BRSK1: variants seen among roughly 807,000 people sequenced by gnomAD.
The protein encoded by BRSK1 is BR serine/threonine kinase 1.
In BRSK1, 17 loss-of-function variants were observed where a neutral mutation model predicts 86.2. The observed-to-expected ratio is 0.20, with a 90% CI of 0.14 to 0.30. BRSK1 has a LOEUF of 0.30. BRSK1 is among the 10% of genes least tolerant of loss of function. BRSK1 has a pLI of 1.00. For synonymous variants in BRSK1, 464 were observed against 440.1 expected (o/e 1.05, Z -0.68); for missense variants, 719 against 1,071.9 (o/e 0.67, Z 4.60).
At chr19:55,307,548 CAAAAAAAAAA>C (rs11378640) in intron 17 of BRSK1, among the ~76,000 whole-genome samples, 3 of 80,672 alleles carry the variant, frequency 3.7e-5, no homozygotes, top group South Asian at 4.5e-4. Context: ...GACTCTGTCT[CAAAAAAAAAA>C]AAAAAAAAGG....
rs2088815351 is a variant in BRSK1, at chr19:55,312,122, C to G, written c.*54C>G. 2 of 760,176 alleles carry G rather than the reference C, an allele frequency of 2.6e-6. No individual in the cohort carries two copies. Among genetic ancestry groups the G allele is most frequent in the Non-Finnish European group, 4.1e-6 (2 of 486,754 alleles). 47.1% of individuals were successfully genotyped at this position (760,176 alleles called of 1,614,324 possible). Reference sequence around the variant, plus strand: ...CCCCTCCACCCCCCTTCCGTGCCCCCCAACTGTGAATCTGTAAATAAGGCC... The same window carrying G: ...CCCCTCCACCCCCCTTCCGTGCCCCGCAACTGTGAATCTGTAAATAAGGCC... On this transcript the variant is annotated 3_prime_UTR_variant, in exon 19 of 19. Transcript: ENST00000309383.
At chr19:55,300,305 T>C (rs1476637449) in intron 7 of BRSK1, among the ~76,000 whole-genome samples, 2 of 152,140 alleles carry the variant, frequency 1.3e-5, no homozygotes, top group Non-Finnish European at 2.9e-5. Flanking sequence ...GTCAGTTCAT[T>C]CTGATGCAGT....
Position 55,303,048 on chromosome 19 carries a change from T to A in BRSK1, c.1028+181T>A. ...GCCCAGAAACACGCTGAGAAAGTAT[T>A]AATAGATGCTGCGACATAGTACTTA... On this transcript the variant is annotated intron_variant, in intron 10 of 18. Coordinates refer to ENST00000309383, the MANE Select transcript of BRSK1 (RefSeq NM_032430.2). The surrounding 1 kb of genome is among the most constrained non-coding windows in gnomAD (Gnocchi z 5.1). 1 of 730,650 alleles carries A rather than the reference T, an allele frequency of 1.4e-6. No homozygotes were observed. Among genetic ancestry groups the A allele is most frequent in the Non-Finnish European group, 2.2e-6 (1 of 454,892 alleles). 45.3% of individuals were successfully genotyped at this position (730,650 alleles called of 1,614,324 possible).
At chr19:55,284,988 G>A (rs1381492546) in intron 1 of BRSK1, among the ~76,000 whole-genome samples, 1 of 151,290 alleles carries the variant, frequency 6.6e-6, no homozygotes, top group African/African-American at 2.4e-5. Context: ...TGGGTCTGAA[G>A]GAGAAGGGCT....
intron 18 of BRSK1, among the ~76,000 whole-genome samples, chr19:55,311,161 C>T (rs1269108136): frequency 6.6e-6 from 1 of 152,114 alleles, no homozygotes; most frequent in Admixed American, 6.5e-5. Flanking sequence ...GGGGTTTCAC[C>T]ATGTTGGCCA....
At chr19:55,297,982 T>C (rs1452525152) in intron 7 of BRSK1, among the ~76,000 whole-genome samples, 1 of 151,790 alleles carries the variant, frequency 6.6e-6, no homozygotes, top group African/African-American at 2.4e-5. Flanking sequence ...CTGGCTAATT[T>C]TTTTGTATTT....
At chr19:55,289,342 TG>T in intron 3 of BRSK1, 137 bp from the exon 4 acceptor site, 1 of 998,778 alleles carries the variant, frequency 1.0e-6, no homozygotes, top group Non-Finnish European at 1.5e-6. Flanking sequence ...CAGGGACCCA[TG>T]GGAATTGGAG....
rs2088579389 is a variant in BRSK1 at position 55,302,069 on chromosome 19, C to G, written c.826-68C>G. The G allele has an allele frequency of 1.9e-6, 3 of 1,584,746 alleles. No individual in the cohort carries two copies. The highest frequency in any genetic ancestry group is 2.6e-6 in the Non-Finnish European group (3 of 1,153,442). ...TCAGGGACCCCAAAACCACCCCAGT[C>G]TTTCATTGCGCGCCTACATGTGCCT... On this transcript the variant is annotated intron_variant, in intron 8 of 18. Transcript: ENST00000309383. The surrounding 1 kb of genome is among the most constrained non-coding windows in gnomAD (Gnocchi z 6.3).
intron 4 of BRSK1, among the ~76,000 whole-genome samples, chr19:55,292,654 T>C (rs575638510): frequency 1.6e-4 from 25 of 151,928 alleles, no homozygotes; most frequent in African/African-American, 6.0e-4. Flanking sequence ...GCCAACATGG[T>C]GAAACCCTGT....
chr19:55,306,321 C>T lies in BRSK1; in HGVS notation c.1960C>T (p.Pro654Ser). Residue 654 changes from proline to serine, a missense_variant, in exon 17 of 19, where the codon CCC becomes TCC. By Grantham distance (74) the Pro-to-Ser change is moderately conservative. This residue lies in a region of BRSK1 where 180 missense variants were observed against 259.4 expected (regional missense o/e 0.69). Transcript: ENST00000309383. This position sits in a 1 kb window ranked among gnomAD's most constrained non-coding sequence, Gnocchi z 4.7. ...GGCCGAGTACAAGGCCAGTGGCGGC[C>T]CCTCCGTCTTCCAAAAGCCCGTCCG... is the stretch of plus-strand genomic sequence containing the variant. ...FRAEYKASGG[P>S]SVFQKPVRFQ... 6.2e-7 allele frequency: 1 copy of T among 1,614,136 alleles called. No individual in the cohort carries two copies. Among genetic ancestry groups the T allele is most frequent in the Admixed American group, 1.7e-5 (1 of 60,028 alleles).
At chr19:55,299,371 G>C (rs79144729) in intron 7 of BRSK1, among the ~76,000 whole-genome samples, 2 of 132,670 alleles carry the variant, frequency 1.5e-5, no homozygotes, top group Non-Finnish European at 3.2e-5. Context: ...ATTTGTTTTG[G>C]TTTTTTTTTT....
chr19:55,286,345 C>G (rs1486188510), intron 1 of BRSK1, among the ~76,000 whole-genome samples: 1 of 151,542 alleles, frequency 6.6e-6, no homozygotes, highest in Non-Finnish European at 1.5e-5. Flanking sequence ...GTCCTGGAGT[C>G]GAGGGTCCTG....
Position 55,294,473 on chromosome 19 carries a change from C to T in BRSK1, c.678+76C>T, listed in dbSNP as rs181742944. On this transcript the variant is annotated intron_variant, in intron 7 of 18. Transcript: ENST00000309383. The surrounding 1 kb of genome is among the most constrained non-coding windows in gnomAD (Gnocchi z 4.9). The stretch of plus-strand genomic sequence containing the variant: ...GGAGCATAGGACAGTACCTTCCATC[C>T]TCAGGTCATCTCCTGAATTTATTTA... 0.017 allele frequency: 24,072 copies of T among 1,443,720 alleles called. 244 individuals are homozygous for T. The highest frequency in any genetic ancestry group is 0.021 in the Non-Finnish European group (21,545 of 1,047,412). The allele number at this position is 1,443,720 out of a possible 1,614,324, so 89.4% of individuals were successfully genotyped here. A position where few individuals can be genotyped will look rare whatever the true frequency, so the allele number is the denominator to read the frequency against.
chr19:55,298,682 G>C (rs2088526153), intron 7 of BRSK1, among the ~76,000 whole-genome samples: 1 of 152,190 alleles, frequency 6.6e-6, no homozygotes, highest in Non-Finnish European at 1.5e-5. Flanking sequence ...CCCTGTTTCA[G>C]CTCTCATCCT....
Position 55,303,758 on chromosome 19 carries a change from C to T in BRSK1, c.1218C>T (p.Thr406=), listed in dbSNP as rs780118374. The T allele has an allele frequency of 3.1e-5, 50 of 1,613,218 alleles. No homozygotes were observed. Among genetic ancestry groups the T allele is most frequent in the East Asian group, 4.5e-5 (2 of 44,888 alleles). The change falls in exon 12 of 19, where the codon ACC becomes ACT. Residue 406 remains threonine, a synonymous_variant. Transcript: ENST00000309383. The surrounding 1 kb of genome is among the most constrained non-coding windows in gnomAD (Gnocchi z 5.1). The part of the protein sequence containing the change: ...ERKSMEVLSI[T]DAGGGGSPVP... ...AGTCCATGGAAGTCCTGAGCATCAC[C>T]GATGCCGGGGGTGGTGGCTCCCCTG...
chr19:55,298,620 C>T (rs940728803), intron 7 of BRSK1, among the ~76,000 whole-genome samples: 4 of 152,218 alleles, frequency 2.6e-5, no homozygotes, highest in Non-Finnish European at 2.9e-5. Flanking sequence ...GCAGGGGAAA[C>T]CTGAGCCGCC....
At chr19:55,296,175 C>G (rs1423111458) in intron 7 of BRSK1, among the ~76,000 whole-genome samples, 5 of 152,186 alleles carry the variant, frequency 3.3e-5, no homozygotes, top group East Asian at 3.9e-4. Context: ...GTCAGACCCC[C>G]CTGTGGTAGG....
Position 55,284,301 on chromosome 19 carries a change from C to T in BRSK1, c.-142C>T. On this transcript the variant is annotated 5_prime_UTR_variant, in exon 1 of 19. Coordinates refer to ENST00000309383, the MANE Select transcript of BRSK1 (RefSeq NM_032430.2). ...GGCCCGCCGACTGGGGGGGGCCAGC[C>T]CAGCCCCCTGGGGACCCCCGGAGAG... 1 of 694,972 alleles carries T rather than the reference C, an allele frequency of 1.4e-6. No homozygotes were observed. Among genetic ancestry groups the T allele is most frequent in the Non-Finnish European group, 2.0e-6 (1 of 499,756 alleles). 43.1% of individuals were successfully genotyped at this position (694,972 alleles called of 1,614,324 possible).
Position 55,304,874 on chromosome 19 carries a change from C to A in BRSK1, c.1671C>A (p.Arg557=). The A allele has an allele frequency of 6.2e-7, 1 of 1,609,896 alleles. No individual in the cohort carries two copies. The highest frequency in any genetic ancestry group is 8.5e-7 in the Non-Finnish European group (1 of 1,179,812). The change falls in exon 14 of 19, where the codon CGC becomes CGA. Residue 557 remains arginine, a synonymous_variant. Coordinates refer to ENST00000309383, the MANE Select transcript of BRSK1 (RefSeq NM_032430.2). The surrounding 1 kb of genome is among the most constrained non-coding windows in gnomAD (Gnocchi z 5.2). ...AAWRSRLNSI[R]NSFLGSPRFH... is the part of the protein sequence containing the mutation. ...GGAGGAGTCGTCTCAACTCCATCCGCAACAGCTTCCTGGGCTCCCCTCGCT... is the reference window on the plus strand; with the variant it reads ...GGAGGAGTCGTCTCAACTCCATCCGAAACAGCTTCCTGGGCTCCCCTCGCT...
Sources: gnomAD v4.1 joint callset for allele counts (sites outside exome capture counted in the v4.1 genomes callset) on GRCh38, gnomAD v4.1.1 for gene constraint, gnomAD v4.1.1 regional missense constraint, Gnocchi (gnomAD v3.1) non-coding constraint, MANE v1.5 for transcripts, NCBI Gene and HGNC (gene_info 2026-07-23, HGNC 2026-07-21) for gene names.